Variants in DNAJC10 observed in about 807,000 individuals in gnomAD.
DNAJC10 encodes DnaJ heat shock protein family (Hsp40) member C10.
DNAJC10 carries 101 observed loss-of-function variants against 115.0 expected under a neutral mutation model. That is an observed-to-expected ratio of 0.88 (90% CI 0.75 to 1.04). The LOEUF is 1.04. DNAJC10 is among the 50% of genes least tolerant of loss of function. The pLI, the probability that DNAJC10 is intolerant of heterozygous loss-of-function variation, is 0.00. For synonymous variants in DNAJC10, 307 were observed against 301.5 expected, an observed-to-expected ratio of 1.02 and a Z score of -0.19; for missense variants, 981 against 928.8, an observed-to-expected ratio of 1.06 and a Z score of -0.73.
intron 14 of DNAJC10, 31 bp downstream of exon 14, chr2:182,743,743 CTT>C: frequency 3.5e-6 from 5 of 1,421,994 alleles, no homozygotes; most frequent in Non-Finnish European, 3.9e-6. Flanking sequence ...TAAAAAAAAA[CTT>C]AGCTTCATTT....
rs555509717 is a variant in DNAJC10, at chr2:182,721,659, T to A, written c.368-366T>A. 8.5e-5 allele frequency among the ~76,000 whole-genome samples: 13 copies of A among 152,248 alleles called. No homozygotes were observed. The East Asian group carries it at 1.9e-3, about 23-fold the overall frequency. Reference sequence around the variant, plus strand: ...TTGTGCTATATAGCTACATAACATGTCACCATTAGAGGAAGGTGAGTAAAA... The same window carrying A: ...TTGTGCTATATAGCTACATAACATGACACCATTAGAGGAAGGTGAGTAAAA... On this transcript the variant is annotated intron_variant, in intron 4 of 23. Coordinates refer to ENST00000264065, the MANE Select transcript of DNAJC10 (RefSeq NM_018981.4).
In DNAJC10 at chr2:182,762,856, T is replaced by A. The variant is rs968549489; in HGVS notation, c.2265+55T>A. 4 of 1,549,288 alleles carry A rather than the reference T, an allele frequency of 2.6e-6. No homozygotes were observed. In the Admixed American group the frequency reaches 7.6e-5, roughly 30 times the overall value. On this transcript the variant is annotated intron_variant, in intron 22 of 23. Transcript: ENST00000264065. ...CTTAGTAGGCCAAGCTCAAAAGATGTGTTTCAGTCTGAGTAATGTTTTTTT... is the reference window on the plus strand; with the variant it reads ...CTTAGTAGGCCAAGCTCAAAAGATGAGTTTCAGTCTGAGTAATGTTTTTTT...
rs1476290271 is a variant in DNAJC10, at chr2:182,778,045, A to G, written c.*913A>G. 1 of 152,182 alleles carries G rather than the reference A, an allele frequency of 6.6e-6. No individual in the cohort carries two copies. The highest frequency in any genetic ancestry group is 1.5e-5 in the Non-Finnish European group (1 of 68,030). 9.4% of individuals were successfully genotyped at this position (152,182 alleles called of 1,614,324 possible). A position where few individuals can be genotyped will look rare whatever the true frequency, so the allele number is the denominator to read the frequency against. ...GTATTTTCTGAAATTGCTTTCATAG[A>G]AATTTTCCCACTGATAGTTGATTTT... On this transcript the variant is annotated 3_prime_UTR_variant, in exon 24 of 24. Transcript: ENST00000264065.
intron 14 of DNAJC10, among the ~76,000 whole-genome samples, chr2:182,747,081 T>C (rs1268588866): frequency 6.6e-6 from 1 of 152,198 alleles, no homozygotes; most frequent in Non-Finnish European, 1.5e-5. Context: ...TTCTGTTCCA[T>C]TGATCTATAT....
At chr2:182,738,248 C>G (rs1486611676) in intron 11 of DNAJC10, among the ~76,000 whole-genome samples, 3 of 151,846 alleles carry the variant, frequency 2.0e-5, no homozygotes, top group Non-Finnish European at 4.4e-5. Context: ...TTTCAGTTAT[C>G]TGTTTAGAAT....
rs534541117 is a variant in DNAJC10 at position 182,728,941 on chromosome 2, C to T, written c.580C>T (p.Arg194Ter). Reference sequence around the variant, plus strand: ...CTGTGGTGATGATAGAATGCTTTGCCGAATGAAAGGAGTCAACAGCTATCC... The same window carrying T: ...CTGTGGTGATGATAGAATGCTTTGCTGAATGAAAGGAGTCAACAGCTATCC... ...VNCGDDRMLC[R>*]MKGVNSYPSL... Residue 194 changes from arginine to a stop codon, truncating the protein, a stop_gained, in exon 7 of 24, where the codon CGA (arginine) becomes TGA (stop). Coordinates refer to ENST00000264065, the MANE Select transcript of DNAJC10 (RefSeq NM_018981.4). LOFTEE classifies it high-confidence loss of function. 10 of 1,613,800 alleles carry T rather than the reference C, an allele frequency of 6.2e-6. No homozygotes were observed. Among genetic ancestry groups the T allele is most frequent in the Admixed American group, 3.3e-5 (2 of 59,978 alleles).
In DNAJC10 at chr2:182,762,681, G is replaced by A. The variant is rs747498883; in HGVS notation, c.2146-1G>A. 1.2e-6 allele frequency: 2 copies of A among 1,611,368 alleles called. No individual in the cohort carries two copies. Among genetic ancestry groups the A allele is most frequent in the African/African-American group, 2.7e-5 (2 of 74,772 alleles). On this transcript the variant is annotated splice_acceptor_variant, in intron 21 of 23. Transcript: ENST00000264065. LOFTEE classifies it high-confidence loss of function. Reference sequence around the variant, plus strand: ...TGGCAAACTGTATTTTTCTTTTTCAGATGATTAAAGGAAAAGTGAAAGCTG... The same window carrying A: ...TGGCAAACTGTATTTTTCTTTTTCAAATGATTAAAGGAAAAGTGAAAGCTG...
intron 10 of DNAJC10, 130 bp from the exon 11 acceptor site, chr2:182,736,119 C>A: frequency 1.5e-6 from 1 of 646,958 alleles, no homozygotes. Context: ...TTTAACTTTG[C>A]TGTAGAACTA....
intron 5 of DNAJC10, among the ~76,000 whole-genome samples, chr2:182,724,390 C>G (rs1574918092): frequency 6.6e-6 from 1 of 152,112 alleles, no homozygotes; most frequent in Non-Finnish European, 1.5e-5. Context: ...AATGTGCTTT[C>G]ACATTCAAGA....
intron 11 of DNAJC10, among the ~76,000 whole-genome samples, chr2:182,739,253 A>G (rs545464091): frequency 7.7e-6 from 1 of 129,440 alleles, no homozygotes; most frequent in Admixed American, 7.6e-5. Flanking sequence ...TATATATCTC[A>G]TATATATATA....
intron 22 of DNAJC10, among the ~76,000 whole-genome samples, chr2:182,765,667 T>C (rs1395013571): frequency 6.6e-6 from 1 of 152,178 alleles, no homozygotes; most frequent in East Asian, 1.9e-4. Context: ...ATTGTTGTGG[T>C]CGATTCTCTA....
Position 182,792,332 on chromosome 2 carries a change from G to A in DNAJC10, c.*15200G>A, listed in dbSNP as rs1695066643. ...ATCTTTGTGAGGGGTTTTGAGGGTT[G>A]TGGAACAGGATAACATTTTGAGGTA... On this transcript the variant is annotated 3_prime_UTR_variant, in exon 24 of 24. Coordinates refer to ENST00000264065, the MANE Select transcript of DNAJC10 (RefSeq NM_018981.4). 1 of 152,174 alleles carries A rather than the reference G, an allele frequency of 6.6e-6. No individual in the cohort carries two copies. Among genetic ancestry groups the A allele is most frequent in the African/African-American group, 2.4e-5 (1 of 41,456 alleles). 9.4% of individuals were successfully genotyped at this position (152,174 alleles called of 1,614,324 possible). A position where few individuals can be genotyped will look rare whatever the true frequency, so the allele number is the denominator to read the frequency against.
intron 9 of DNAJC10, among the ~76,000 whole-genome samples, chr2:182,732,196 T>C (rs945282887): frequency 2.0e-5 from 3 of 152,056 alleles, no homozygotes; most frequent in African/African-American, 7.2e-5. Flanking sequence ...AAATGGATTG[T>C]TGATAGGAGG....
chr2:182,747,462 G>C (rs1378474657), intron 14 of DNAJC10, among the ~76,000 whole-genome samples: 1 of 94,546 alleles, frequency 1.1e-5, no homozygotes, highest in Non-Finnish European at 2.1e-5. Context: ...TTGTAAGTTG[G>C]ATTCCTAGGT....
chr2:182,776,195 TAAAG>T (rs1041320264), intron 23 of DNAJC10, among the ~76,000 whole-genome samples: 8 of 152,078 alleles, frequency 5.3e-5, no homozygotes, highest in African/African-American at 1.9e-4. Context: ...CAAATGTAAA[TAAAG>T]CATTGAATTG....
At position 182,740,913 on chromosome 2, in the gene DNAJC10, A is replaced by G. The variant is rs6739907; in HGVS notation, c.1078-330A>G. On this transcript the variant is annotated intron_variant, in intron 12 of 23. Coordinates refer to ENST00000264065, the MANE Select transcript of DNAJC10 (RefSeq NM_018981.4). ...CAGATCTTTTGAAGTCTGTATCACT[A>G]CGAGATCTTATGTGCTAAGCCTGAA... Among the ~76,000 whole-genome samples, 1,073 of 152,228 alleles carry G rather than the reference A, an allele frequency of 7.0e-3. 8 individuals are homozygous for G. Among genetic ancestry groups the G allele is most frequent in the African/African-American group, 0.018 (762 of 41,554 alleles).
intron 11 of DNAJC10, chr2:182,739,716 T>C: frequency 9.9e-7 from 1 of 1,010,764 alleles, no homozygotes; most frequent in Non-Finnish European, 1.2e-6. Context: ...ATCTGTATCA[T>C]TGTATTTTAC....
intron 22 of DNAJC10, 116 bp downstream of exon 22, chr2:182,762,917 T>A: frequency 8.6e-7 from 1 of 1,166,014 alleles, no homozygotes; most frequent in Non-Finnish European, 1.2e-6. Context: ...TTTATATTAT[T>A]ACATATTACT....
intron 22 of DNAJC10, among the ~76,000 whole-genome samples, chr2:182,765,990 G>A (rs1396664925): frequency 6.6e-6 from 1 of 152,120 alleles, no homozygotes; most frequent in Non-Finnish European, 1.5e-5. Context: ...AAGTGTACAC[G>A]GTAACGTGGA....
Sources: allele counts gnomAD v4.1 joint callset (sites outside exome capture counted in the v4.1 genomes callset), GRCh38; gene constraint gnomAD v4.1.1; transcripts MANE v1.5; gene names NCBI Gene and HGNC (gene_info 2026-07-23, HGNC 2026-07-21).